The following LRRC72 variants were observed in gnomAD, a reference collection of about 807,000 sequenced individuals.
LRRC72 encodes the protein leucine rich repeat containing 72.
Under a neutral mutation model 35.8 loss-of-function variants are expected in LRRC72, and 41 were observed. The observed-to-expected ratio is 1.15, with a 90% CI of 0.89 to 1.49. LRRC72 has a LOEUF of 1.49. Among genes scored for constraint, LRRC72 ranks in the 40% most tolerant of loss-of-function variants. The pLI is 0.00. For synonymous variants in LRRC72, 118 were observed against 119.2 expected (o/e 0.99, Z 0.07); for missense variants, 389 against 330.7 (o/e 1.18, Z -1.37).
At chr7:16,539,560 A>G (rs899706342) in intron 3 of LRRC72, among the ~76,000 whole-genome samples, 3 of 152,234 alleles carry the variant, frequency 2.0e-5, no homozygotes, top group African/African-American at 7.2e-5. Flanking sequence ...AGCCGCAGAA[A>G]TTTGTGTAAG....
chr7:16,551,682 G>C (rs566402802), intron 3 of LRRC72, among the ~76,000 whole-genome samples: 18 of 152,274 alleles, frequency 1.2e-4, no homozygotes, highest in African/African-American at 3.4e-4. Flanking sequence ...TGGTACCCGG[G>C]GGGAGGGCAT....
intron 7 of LRRC72, among the ~76,000 whole-genome samples, chr7:16,576,607 A>G (rs1333981296): frequency 6.6e-6 from 1 of 152,198 alleles, no homozygotes; most frequent in African/African-American, 2.4e-5. Flanking sequence ...GATAGCCAAT[A>G]TTCTCAGAAC....
chr7:16,536,352 C>T (rs1404742621), intron 2 of LRRC72, among the ~76,000 whole-genome samples: 2 of 151,856 alleles, frequency 1.3e-5, no homozygotes, highest in African/African-American at 2.4e-5. Flanking sequence ...TATTAGATTA[C>T]ATTACTGAAT....
chr7:16,581,437 T>C lies in LRRC72; in HGVS notation c.812T>C (p.Leu271Pro), dbSNP rs1486864191. 7 of 1,550,596 alleles carry C rather than the reference T, an allele frequency of 4.5e-6. No homozygotes were observed. The Admixed American group carries it at 1.2e-4, about 26-fold the overall frequency. Residue 271 changes from leucine (L) to proline (P), a missense_variant, in exon 9 of 9, where the codon CTT becomes CCT. Leu to Pro is a moderately conservative substitution (Grantham distance 98, BLOSUM62 -3). Transcript: ENST00000401542. The part of the protein sequence containing the change: ...DTVPTREERY[L>P]EEEGTETAQM... ...GTTCCAACACGAGAGGAAAGGTACC[T>C]TGAAGAGGAAGGCACAGAAACAGCT...
chr7:16,549,361 A>G (rs941810371), intron 3 of LRRC72, among the ~76,000 whole-genome samples: 1 of 152,192 alleles, frequency 6.6e-6, no homozygotes, highest in African/African-American at 2.4e-5. Flanking sequence ...GATATTATGG[A>G]GCTTGAGAAT....
intron 7 of LRRC72, among the ~76,000 whole-genome samples, chr7:16,574,692 A>G (rs1039826723): frequency 2.0e-5 from 3 of 152,114 alleles, no homozygotes; most frequent in African/African-American, 7.2e-5. Context: ...AGAAATACCT[A>G]AAGTAACTGA....
At chr7:16,568,216 A>G (rs1583651197) in intron 7 of LRRC72, among the ~76,000 whole-genome samples, 1 of 152,186 alleles carries the variant, frequency 6.6e-6, no homozygotes, top group African/African-American at 2.4e-5. Flanking sequence ...TGCTACTCTT[A>G]GTGTGCTTTA....
chr7:16,554,758 G>A (rs575324857), intron 3 of LRRC72, among the ~76,000 whole-genome samples: 3 of 152,234 alleles, frequency 2.0e-5, no homozygotes, highest in South Asian at 4.1e-4. Flanking sequence ...CTATGATCAT[G>A]GTCCAAGGAT....
chr7:16,543,663 C>G (rs1480398881), intron 3 of LRRC72, among the ~76,000 whole-genome samples: 1 of 152,204 alleles, frequency 6.6e-6, no homozygotes, highest in Non-Finnish European at 1.5e-5. Flanking sequence ...ACTGAACAGG[C>G]ATCTAACCTA....
chr7:16,565,216 C>T (rs1016635689), intron 5 of LRRC72, among the ~76,000 whole-genome samples: 1 of 152,138 alleles, frequency 6.6e-6, no homozygotes, highest in African/African-American at 2.4e-5. Flanking sequence ...GGGCGGATCA[C>T]GAGGTCAGCA....
At chr7:16,568,932 G>GA (rs1252586278) in intron 7 of LRRC72, among the ~76,000 whole-genome samples, 1 of 152,090 alleles carries the variant, frequency 6.6e-6, no homozygotes, top group African/African-American at 2.4e-5. Flanking sequence ...TATTATTCAA[G>GA]AATGAGCGAA....
intron 3 of LRRC72, among the ~76,000 whole-genome samples, chr7:16,543,366 C>A (rs574824448): frequency 6.6e-6 from 1 of 152,218 alleles, no homozygotes; most frequent in East Asian, 1.9e-4. Context: ...ATTTTAGCTA[C>A]CCTCTATTTA....
At position 16,527,021 on chromosome 7, in the gene LRRC72, T is replaced by A; in HGVS notation, c.69T>A (p.Thr23=). Residue 23 remains threonine (T), a synonymous_variant, in exon 1 of 9, where the codon ACT becomes ACA. Transcript: ENST00000401542. ...RCWRLRRASE[T]ALQSSRRAVE... is the part of the protein sequence containing the mutation. ...GGCGCCTACGGAGGGCATCCGAAAC[T>A]GCCCTACAGAGCAGTCGCCGGGTAA... 1 of 1,539,078 alleles carries A rather than the reference T, an allele frequency of 6.5e-7. No homozygotes were observed. The highest frequency in any genetic ancestry group is 2.4e-5 in the East Asian group (1 of 40,898).
intron 2 of LRRC72, among the ~76,000 whole-genome samples, chr7:16,535,033 CA>C (rs1782229408): frequency 6.6e-6 from 1 of 151,852 alleles, no homozygotes; most frequent in Non-Finnish European, 1.5e-5. Flanking sequence ...CCTGTCTCTA[CA>C]AAAAATTAGC....
chr7:16,535,379 G>A (rs1481160001), intron 2 of LRRC72, among the ~76,000 whole-genome samples: 1 of 152,016 alleles, frequency 6.6e-6, no homozygotes, highest in African/African-American at 2.4e-5. Flanking sequence ...CAGGGAAGGT[G>A]GGGAGGAGAA....
chr7:16,542,709 TTG>T (rs1489613643), intron 3 of LRRC72, among the ~76,000 whole-genome samples: 12 of 152,210 alleles, frequency 7.9e-5, no homozygotes, highest in African/African-American at 2.9e-4. Context: ...TGTGTGTCCT[TTG>T]TCCCCAAAGA....
intron 3 of LRRC72, among the ~76,000 whole-genome samples, chr7:16,542,103 G>A (rs1385384227): frequency 6.6e-6 from 1 of 152,214 alleles, no homozygotes; most frequent in Non-Finnish European, 1.5e-5. Flanking sequence ...TGGAGGGAAA[G>A]AGCATGTACC....
At chr7:16,551,942 C>A (rs1471193697) in intron 3 of LRRC72, among the ~76,000 whole-genome samples, 1 of 152,166 alleles carries the variant, frequency 6.6e-6, no homozygotes, top group Non-Finnish European at 1.5e-5. Context: ...GGGGAGCAGT[C>A]TTGTGGGACT....
At chr7:16,540,921 G>T (rs1040174545) in intron 3 of LRRC72, among the ~76,000 whole-genome samples, 1 of 152,118 alleles carries the variant, frequency 6.6e-6, no homozygotes, top group Non-Finnish European at 1.5e-5. Context: ...GTGTGAAAAT[G>T]GACTAATACA....
Sources: allele counts gnomAD v4.1 joint callset (sites outside exome capture counted in the v4.1 genomes callset), GRCh38; gene constraint gnomAD v4.1.1; transcripts MANE v1.5; gene names NCBI Gene and HGNC (gene_info 2026-07-23, HGNC 2026-07-21).